The following SDK1 variants were observed in gnomAD, a reference collection of about 807,000 sequenced individuals.
The protein encoded by SDK1 is sidekick cell adhesion molecule 1.
A neutral mutation model predicts 245.5 loss-of-function variants in SDK1; 157 were observed. The ratio of observed to expected loss-of-function variants is 0.64; its 90% CI spans 0.56 to 0.73. The LOEUF is 0.73. Ranked by LOEUF, SDK1 falls within the 30% of genes least tolerant of loss-of-function variation. The pLI is 0.00. For synonymous variants in SDK1, 1,647 were observed against 1,278.5 expected, an observed-to-expected ratio of 1.29 and a Z score of -6.15; for missense variants, 3,583 against 3,002.3, an observed-to-expected ratio of 1.19 and a Z score of -4.52.
chr7:3,585,358 G>C (rs150034502), intron 1 of SDK1, among the ~76,000 whole-genome samples: 17 of 152,322 alleles, frequency 1.1e-4, no homozygotes, highest in African/African-American at 3.6e-4. Flanking sequence ...TTGTAATAAA[G>C]CTAGAGTAAT....
chr7:3,309,508 G>A (rs1359572636), intron 1 of SDK1, among the ~76,000 whole-genome samples: 1 of 140,716 alleles, frequency 7.1e-6, no homozygotes, highest in East Asian at 2.1e-4. Flanking sequence ...TAGTGGCAGA[G>A]TGTCACTAGA....
chr7:3,703,097 C>T (rs771817549), intron 4 of SDK1, among the ~76,000 whole-genome samples: 50 of 149,598 alleles, frequency 3.3e-4, no homozygotes, highest in African/African-American at 4.9e-4. Flanking sequence ...GCCGACGATA[C>T]GACTTAGTTC....
intron 35 of SDK1, among the ~76,000 whole-genome samples, chr7:4,191,753 A>T (rs1783218614): frequency 6.6e-6 from 1 of 152,200 alleles, no homozygotes; most frequent in Non-Finnish European, 1.5e-5. Flanking sequence ...CTCAGGGTGG[A>T]CAGGGGGCTG....
At chr7:3,645,410 G>A (rs971005452) in intron 4 of SDK1, among the ~76,000 whole-genome samples, 1 of 152,110 alleles carries the variant, frequency 6.6e-6, no homozygotes, top group South Asian at 2.1e-4. Flanking sequence ...ATCACCCCAA[G>A]TCTATTAAGT....
chr7:3,777,951 G>C (rs549859160), intron 4 of SDK1, among the ~76,000 whole-genome samples: 2 of 152,292 alleles, frequency 1.3e-5, no homozygotes, highest in East Asian at 3.9e-4. Context: ...TGCTGAGAAA[G>C]GATCAGCAGG....
intron 13 of SDK1, among the ~76,000 whole-genome samples, chr7:3,980,828 G>T (rs1040641578): frequency 2.0e-5 from 3 of 152,006 alleles, no homozygotes; most frequent in Non-Finnish European, 2.9e-5. Context: ...TGTAATCCCA[G>T]CTACTCAGGA....
intron 22 of SDK1, among the ~76,000 whole-genome samples, chr7:4,092,373 T>C (rs1016165330): frequency 1.3e-5 from 2 of 152,152 alleles, no homozygotes; most frequent in Non-Finnish European, 2.9e-5. Flanking sequence ...TCTCTGAGAA[T>C]GTCCCATGGG....
intron 38 of SDK1, among the ~76,000 whole-genome samples, chr7:4,215,647 G>A (rs775647962): frequency 6.6e-6 from 1 of 152,258 alleles, no homozygotes; most frequent in Admixed American, 6.5e-5. Context: ...GGACTGCCCC[G>A]CGGTACGGGA....
At chr7:3,527,225 A>T (rs148635549) in intron 1 of SDK1, among the ~76,000 whole-genome samples, 2 of 152,346 alleles carry the variant, frequency 1.3e-5, no homozygotes, top group Non-Finnish European at 2.9e-5. Context: ...GTTGTAAGCA[A>T]TGGGAATGCT....
At chr7:3,670,550 T>A (rs1783667108) in intron 4 of SDK1, among the ~76,000 whole-genome samples, 1 of 152,218 alleles carries the variant, frequency 6.6e-6, no homozygotes, top group African/African-American at 2.4e-5. Flanking sequence ...TTAGGGGATT[T>A]GTGTGAATTA....
chr7:4,222,210 T>A (rs1252899310), intron 40 of SDK1, among the ~76,000 whole-genome samples: 1 of 152,258 alleles, frequency 6.6e-6, no homozygotes, highest in East Asian at 1.9e-4. Context: ...AAGCTACATC[T>A]GTCACTGTGT....
At chr7:4,063,063 T>A (rs1027146103) in intron 19 of SDK1, among the ~76,000 whole-genome samples, 6 of 152,148 alleles carry the variant, frequency 3.9e-5, no homozygotes, top group African/African-American at 1.4e-4. Flanking sequence ...AGATGCCCAC[T>A]TTCATCACAC....
intron 5 of SDK1, among the ~76,000 whole-genome samples, chr7:3,929,838 G>C (rs1329560683): frequency 1.3e-5 from 2 of 152,104 alleles, no homozygotes; most frequent in African/African-American, 2.4e-5. Context: ...TAATTTATAA[G>C]GAAGCTGGCT....
intron 14 of SDK1, among the ~76,000 whole-genome samples, chr7:3,991,556 A>G (rs1379345909): frequency 6.6e-6 from 1 of 152,112 alleles, no homozygotes; most frequent in African/African-American, 2.4e-5. Flanking sequence ...CACACACAAG[A>G]TGGCTCTGTA....
intron 4 of SDK1, among the ~76,000 whole-genome samples, chr7:3,818,414 T>A (rs974043915): frequency 1.3e-5 from 2 of 152,174 alleles, no homozygotes; most frequent in Non-Finnish European, 2.9e-5. Context: ...AAAGTGATAT[T>A]TATTGTGGAA....
intron 17 of SDK1, among the ~76,000 whole-genome samples, chr7:4,043,935 C>T (rs1788830459): frequency 1.3e-5 from 2 of 152,062 alleles, no homozygotes; most frequent in African/African-American, 2.4e-5. Flanking sequence ...CCAATAGCTC[C>T]TGGCGTTTAT....
At chr7:4,247,116 C>A (rs1786921707) in intron 44 of SDK1, among the ~76,000 whole-genome samples, 1 of 152,156 alleles carries the variant, frequency 6.6e-6, no homozygotes, top group South Asian at 2.1e-4. Flanking sequence ...ATAGGCCTGC[C>A]CCGCCTCCTG....
chr7:4,237,405 G>C (rs1032422310), intron 41 of SDK1, among the ~76,000 whole-genome samples: 2 of 152,048 alleles, frequency 1.3e-5, no homozygotes, highest in African/African-American at 4.8e-5. Flanking sequence ...CCCTGAGCCT[G>C]ATCCCACAGA....
intron 38 of SDK1, among the ~76,000 whole-genome samples, chr7:4,210,899 G>T (rs78384543): frequency 0.011 from 1,655 of 152,300 alleles, 33 homozygotes; most frequent in African/African-American, 0.038. Context: ...AGAGGCTTAG[G>T]GAAGAGACCG....
Sources: allele counts gnomAD v4.1 joint callset (sites outside exome capture counted in the v4.1 genomes callset), GRCh38; gene constraint gnomAD v4.1.1; transcripts MANE v1.5; gene names NCBI Gene and HGNC (gene_info 2026-07-23, HGNC 2026-07-21).